Variants in CALN1 observed in about 807,000 individuals in gnomAD.
CALN1 encodes calcium-binding protein 8.
CALN1 carries 17 observed loss-of-function variants against 30.6 expected under a neutral mutation model. The ratio of observed to expected loss-of-function variants is 0.56; its 90% confidence interval spans 0.38 to 0.83. CALN1 has a LOEUF of 0.83. Among genes scored for constraint, CALN1 ranks in the 40% least tolerant of loss-of-function variants. CALN1 has a pLI of 0.00. For synonymous variants in CALN1, 156 were observed against 131.4 expected, an observed-to-expected ratio of 1.19 and a Z score of -1.28; for missense variants, 291 against 354.9, an observed-to-expected ratio of 0.82 and a Z score of 1.45.
chr7:72,399,239 C>G (rs1387742420), intron 2 of CALN1, among the ~76,000 whole-genome samples: 1 of 149,426 alleles, frequency 6.7e-6, no homozygotes, highest in Admixed American at 6.6e-5. Flanking sequence ...CCTACCTCTA[C>G]AGTCCCCAGC....
chr7:71,927,059 C>T (rs1454070270), intron 5 of CALN1, among the ~76,000 whole-genome samples: 1 of 152,126 alleles, frequency 6.6e-6, no homozygotes, highest in Non-Finnish European at 1.5e-5. Flanking sequence ...CTTTTTATTG[C>T]ACATGAACAC....
chr7:72,400,903 G>C (rs1190443800), intron 2 of CALN1, among the ~76,000 whole-genome samples: 1 of 152,108 alleles, frequency 6.6e-6, no homozygotes, highest in African/African-American at 2.4e-5. Flanking sequence ...GTGTGAAAGT[G>C]ATCTGGAGAT....
chr7:71,817,022 T>C (rs907856743), intron 5 of CALN1, among the ~76,000 whole-genome samples: 2 of 152,100 alleles, frequency 1.3e-5, no homozygotes, highest in Admixed American at 1.3e-4. Flanking sequence ...AGTATTAGGG[T>C]ATATATTTAG....
intron 1 of CALN1, among the ~76,000 whole-genome samples, chr7:72,411,056 A>G (rs1054830404): frequency 2.0e-5 from 3 of 152,252 alleles, no homozygotes; most frequent in Admixed American, 1.3e-4. Flanking sequence ...GCATTAGAAT[A>G]AGACCAACAT....
At chr7:72,108,725 A>C (rs1056004977) in intron 3 of CALN1, among the ~76,000 whole-genome samples, 2 of 152,192 alleles carry the variant, frequency 1.3e-5, no homozygotes, top group Admixed American at 6.5e-5. Flanking sequence ...GGCTGGGGGC[A>C]TCCACCATCT....
At chr7:71,924,646 T>A (rs1795165360) in intron 5 of CALN1, among the ~76,000 whole-genome samples, 1 of 152,152 alleles carries the variant, frequency 6.6e-6, no homozygotes, top group African/African-American at 2.4e-5. Flanking sequence ...TATTTTTTTT[T>A]TACTCTATCT....
chr7:72,208,466 G>A (rs966728249), intron 3 of CALN1, among the ~76,000 whole-genome samples: 2 of 152,148 alleles, frequency 1.3e-5, no homozygotes, highest in African/African-American at 4.8e-5. Context: ...CATGTCCATG[G>A]AAGACTGCAG....
intron 2 of CALN1, among the ~76,000 whole-genome samples, chr7:72,388,663 C>A (rs1199407823): frequency 6.6e-6 from 1 of 152,174 alleles, no homozygotes; most frequent in Non-Finnish European, 1.5e-5. Context: ...TTGTCTCCCC[C>A]ATCTGTGCCC....
At chr7:72,247,404 C>A (rs891913739) in intron 3 of CALN1, among the ~76,000 whole-genome samples, 2 of 151,520 alleles carry the variant, frequency 1.3e-5, no homozygotes, top group South Asian at 4.2e-4. Flanking sequence ...CCCGCCACCA[C>A]GCCCAACTAA....
chr7:71,938,441 A>G (rs1041508965), intron 5 of CALN1, among the ~76,000 whole-genome samples: 17 of 152,130 alleles, frequency 1.1e-4, no homozygotes, highest in Non-Finnish European at 1.9e-4. Context: ...AAAGGACATT[A>G]TAGCCATAAT....
intron 2 of CALN1, among the ~76,000 whole-genome samples, chr7:72,377,528 A>G (rs1452406677): frequency 6.6e-6 from 1 of 151,002 alleles, no homozygotes; most frequent in Non-Finnish European, 1.5e-5. Flanking sequence ...GACTATTATA[A>G]AGGAATAATT....
At chr7:71,922,500 TATAA>T (rs67895381) in intron 5 of CALN1, among the ~76,000 whole-genome samples, 143 of 145,296 alleles carry the variant, frequency 9.8e-4, no homozygotes, top group Non-Finnish European at 1.7e-3. Context: ...ATATATAATA[TATAA>T]ATACACAATA....
intron 4 of CALN1, among the ~76,000 whole-genome samples, chr7:72,081,988 A>T (rs1367911381): frequency 6.6e-6 from 1 of 151,018 alleles, no homozygotes; most frequent in East Asian, 2.0e-4. Flanking sequence ...CCTGGAACAA[A>T]CCTTTTTTTT....
chr7:72,390,808 A>T (rs7786046), intron 2 of CALN1, among the ~76,000 whole-genome samples: 2 of 152,166 alleles, frequency 1.3e-5, no homozygotes, highest in African/African-American at 4.8e-5. Flanking sequence ...ATGTGTTATT[A>T]TATCAACACA....
chr7:72,359,595 C>G (rs1187257134), intron 2 of CALN1, among the ~76,000 whole-genome samples: 4 of 152,114 alleles, frequency 2.6e-5, no homozygotes, highest in Non-Finnish European at 5.9e-5. Context: ...CATGTATGCA[C>G]TATTCCTGAC....
intron 5 of CALN1, among the ~76,000 whole-genome samples, chr7:71,951,377 G>A (rs1796682839): frequency 6.6e-6 from 1 of 152,164 alleles, no homozygotes; most frequent in South Asian, 2.1e-4. Flanking sequence ...CATCACCTAA[G>A]GTCAGGAGTT....
the CALN1 span, among the ~76,000 whole-genome samples, chr7:72,457,757 CTTT>C: frequency 5.9e-5 from 8 of 135,676 alleles, no homozygotes; most frequent in Non-Finnish European, 4.7e-5. Flanking sequence ...CCTTCTTATT[CTTT>C]TTTTTTTTTT....
chr7:72,404,434 A>G (rs1413828747), intron 1 of CALN1, among the ~76,000 whole-genome samples: 2 of 152,244 alleles, frequency 1.3e-5, no homozygotes, highest in African/African-American at 4.8e-5. Flanking sequence ...AAAGACAAAC[A>G]AAGACTCTCT....
chr7:72,478,887 C>CTTTTTTTTTTTTTT, the CALN1 span, among the ~76,000 whole-genome samples: 4,518 of 137,688 alleles, frequency 0.033, 237 homozygotes, highest in African/African-American at 0.056. Flanking sequence ...CGAACCACTT[C>CTTTTTTTTTTTTTT]TTTTTTTTTT....
Sources: allele counts gnomAD v4.1 joint callset (sites outside exome capture counted in the v4.1 genomes callset), GRCh38; gene constraint gnomAD v4.1.1; transcripts MANE v1.5; gene names NCBI Gene and HGNC (gene_info 2026-07-23, HGNC 2026-07-21).